ANKRD17: variants seen among roughly 807,000 people sequenced by gnomAD.
ANKRD17 encodes the protein ankyrin repeat domain-containing protein 17.
A neutral mutation model predicts 229.7 loss-of-function variants in ANKRD17; 19 were observed. The ratio of observed to expected loss-of-function variants is 0.08; its 90% CI spans 0.06 to 0.12. The LOEUF (loss-of-function observed/expected upper bound fraction) is 0.12, where lower values mean the gene tolerates loss of function less well. Ranked by LOEUF, ANKRD17 falls within the 10% of genes least tolerant of loss-of-function variation. The probability of loss-of-function intolerance (pLI) is 1.00; values close to 1 mark genes in which losing one functional copy is unlikely to be tolerated. For missense variants in ANKRD17, 2,176 were observed against 3,176.8 expected (o/e 0.68, Z 7.57); for synonymous variants, 1,112 against 1,146.1 (o/e 0.97, Z 0.60).
intron 1 of ANKRD17, among the ~76,000 whole-genome samples, chr4:73,218,262 G>C (rs535205957): frequency 6.6e-6 from 1 of 152,286 alleles, no homozygotes; most frequent in South Asian, 2.1e-4. Context: ...GAAAACATGA[G>C]TTTCAAACTA....
chr4:73,212,627 T>C (rs1212135395), intron 1 of ANKRD17, among the ~76,000 whole-genome samples: 1 of 152,118 alleles, frequency 6.6e-6, no homozygotes, highest in African/African-American at 2.4e-5. Context: ...GCAGATGTGA[T>C]ACAAAATCTT....
At chr4:73,168,871 T>C (rs1343019462) in intron 2 of ANKRD17, 1 of 152,168 alleles carries the variant, frequency 6.6e-6, no homozygotes, top group Non-Finnish European at 1.5e-5. Context: ...AGGGTACAGA[T>C]TATTTCATCA....
intron 1 of ANKRD17, among the ~76,000 whole-genome samples, chr4:73,183,370 TC>T (rs1400382517): frequency 6.6e-6 from 1 of 152,224 alleles, no homozygotes; most frequent in African/African-American, 2.4e-5. Context: ...AAATTTGTCA[TC>T]AAATACTTAA....
intron 2 of ANKRD17, among the ~76,000 whole-genome samples, chr4:73,174,916 T>A (rs1578275495): frequency 6.6e-6 from 1 of 152,096 alleles, no homozygotes; most frequent in East Asian, 1.9e-4. Context: ...TTGCAAAAAA[T>A]TGAAGACGAC....
intron 1 of ANKRD17, among the ~76,000 whole-genome samples, chr4:73,229,361 G>A (rs1432644254): frequency 1.3e-5 from 2 of 152,074 alleles, no homozygotes; most frequent in Non-Finnish European, 2.9e-5. Flanking sequence ...GACAGTGAGT[G>A]AGACTGCCTG....
chr4:73,252,452 C>T (rs1185142084), intron 1 of ANKRD17, among the ~76,000 whole-genome samples: 1 of 152,172 alleles, frequency 6.6e-6, no homozygotes, highest in Admixed American at 6.5e-5. Flanking sequence ...TGACCAAATT[C>T]CCCACTAAAT....
intron 1 of ANKRD17, among the ~76,000 whole-genome samples, chr4:73,195,974 A>G (rs1167063721): frequency 6.8e-6 from 1 of 147,238 alleles, no homozygotes; most frequent in Non-Finnish European, 1.5e-5. Flanking sequence ...GCTTTAGCAG[A>G]TTTAATGATT....
At chr4:73,240,999 C>T (rs1402130981) in intron 1 of ANKRD17, among the ~76,000 whole-genome samples, 1 of 151,624 alleles carries the variant, frequency 6.6e-6, no homozygotes, top group Non-Finnish European at 1.5e-5. Flanking sequence ...TTAATAGAGA[C>T]GGGGTTTCAC....
At position 73,098,474 on chromosome 4, in the gene ANKRD17, A is replaced by C. The variant is rs779912937; in HGVS notation, c.4620T>G (p.Thr1540=). ...LTEPPSATTT[T]TIGISATWTT... ...TCCAGGTTGCAGATATACCTATGGT[A>C]GTAGTGGTTGTGGCACTTGGAGGTT... is the stretch of plus-strand genomic sequence containing the variant. The change falls in exon 26 of 34, where the codon ACT becomes ACG. Residue 1540 remains threonine, a synonymous_variant. Transcript: ENST00000358602. 4 of 1,613,920 alleles carry C rather than the reference A, an allele frequency of 2.5e-6. No individual in the cohort carries two copies. In the Admixed American group the frequency reaches 6.7e-5, roughly 27 times the overall value.
intron 16 of ANKRD17, among the ~76,000 whole-genome samples, chr4:73,133,132 C>A (rs560805256): frequency 6.6e-6 from 1 of 152,034 alleles, no homozygotes; most frequent in South Asian, 2.1e-4. Context: ...CGCCTGTAAT[C>A]CCAGCTACTC....
intron 26 of ANKRD17, 38 bp downstream of exon 26, chr4:73,098,035 T>C: frequency 6.6e-7 from 1 of 1,523,190 alleles, no homozygotes; most frequent in African/African-American, 1.4e-5. Context: ...TATTTCATGA[T>C]GACACTATAA....
At chr4:73,101,074 T>C (rs1723922470) in intron 25 of ANKRD17, 1 of 846,888 alleles carries the variant, frequency 1.2e-6, no homozygotes, top group African/African-American at 1.8e-5. Flanking sequence ...TTAAAGTATA[T>C]GGGAGAATGT....
Position 73,142,726 on chromosome 4 carries a change from C to T in ANKRD17, c.1999G>A (p.Val667Ile), listed in dbSNP as rs1729768954. The T allele has an allele frequency of 5.0e-6, 8 of 1,613,876 alleles. No individual in the cohort carries two copies. The highest frequency in any genetic ancestry group is 1.1e-5 in the South Asian group (1 of 91,060). Residue 667 changes from valine to isoleucine, a missense_variant, in exon 12 of 34, where the codon GTA becomes ATA. Physicochemically the swap from Val to Ile is conservative, Grantham distance 29 (BLOSUM62 3). Around this residue, in one of 18 missense-constraint regions of ANKRD17, gnomAD observed 275 missense variants for 386.9 expected, o/e 0.71. Transcript: ENST00000358602. ...NRTTANNDHT[V>I]LSLACAGGHL... ...CCCCCTGCACAAGCCAGGGACAGTA[C>T]AGTATGGTCATTATTAGCTGTGGTT...
At chr4:73,087,214 T>C (rs1722294676) in intron 29 of ANKRD17, among the ~76,000 whole-genome samples, 1 of 151,540 alleles carries the variant, frequency 6.6e-6, no homozygotes, top group South Asian at 2.1e-4. Context: ...GCCTCCCAAG[T>C]AGGTGGGATT....
intron 1 of ANKRD17, among the ~76,000 whole-genome samples, chr4:73,240,860 G>A (rs1560777387): frequency 1.4e-5 from 2 of 143,644 alleles, no homozygotes; most frequent in East Asian, 2.0e-4. Flanking sequence ...CCAGGTTGGC[G>A]TGCAGTGGCA....
At chr4:73,083,679 G>A (rs1432302268) in intron 30 of ANKRD17, among the ~76,000 whole-genome samples, 1 of 152,030 alleles carries the variant, frequency 6.6e-6, no homozygotes, top group Non-Finnish European at 1.5e-5. Flanking sequence ...GGTGGTACAC[G>A]CCTGTAATTC....
Position 73,120,166 on chromosome 4 carries a change from C to A in ANKRD17, c.4021G>T (p.Gly1341Cys). The A allele has an allele frequency of 6.2e-7, 1 of 1,613,930 alleles. No homozygotes were observed. The highest frequency in any genetic ancestry group is 8.5e-7 in the Non-Finnish European group (1 of 1,179,906). ...GHYKFCELLI[G>C]RGAHIDVRNK... ...AAGGGTATGGTAACAACATACCTGC[C>A]AATAAGAAGCTCACAGAATTTGTAA... is the stretch of plus-strand genomic sequence containing the variant. Residue 1341 changes from glycine to cysteine, a missense_variant, in exon 21 of 34, where the codon GGC becomes TGC. By Grantham distance (159) the Gly-to-Cys change is radical. Coordinates refer to ENST00000358602, the MANE Select transcript of ANKRD17 (RefSeq NM_032217.5).
rs1723710358 is a variant in ANKRD17, at chr4:73,099,548, T to C, written c.4574-1028A>G. 5.3e-5 allele frequency among the ~76,000 whole-genome samples: 8 copies of C among 152,288 alleles called. No individual in the cohort carries two copies. The South Asian group carries it at 1.2e-3, about 24-fold the overall frequency. On this transcript the variant is annotated intron_variant, in intron 25 of 33. Transcript: ENST00000358602. ...CTCCACTGTTCCCTCTGGCTTCCCA[T>C]AGTGTGGTCTGGGAGGATTCCCCTG...
intron 1 of ANKRD17, among the ~76,000 whole-genome samples, chr4:73,207,492 T>C (rs1286136527): frequency 1.3e-5 from 2 of 152,104 alleles, no homozygotes; most frequent in South Asian, 2.1e-4. Context: ...ACAGTTTGTA[T>C]AAAAAGGCAA....
Sources: gnomAD v4.1 joint callset for allele counts (sites outside exome capture counted in the v4.1 genomes callset) on GRCh38, gnomAD v4.1.1 for gene constraint, gnomAD v4.1.1 regional missense constraint, MANE v1.5 for transcripts, NCBI Gene and HGNC (gene_info 2026-07-23, HGNC 2026-07-21) for gene names.